The following BCL2L1 variants were observed in gnomAD, a reference collection of about 807,000 sequenced individuals.
The protein encoded by BCL2L1 is bcl-2-like protein 1.
A neutral mutation model predicts 18.7 loss-of-function variants in BCL2L1; 1 was observed. The ratio of observed to expected loss-of-function variants is 0.05; its 90% CI spans 0.02 to 0.25. The LOEUF (loss-of-function observed/expected upper bound fraction) is 0.25. Ranked by LOEUF, BCL2L1 falls within the 10% of genes least tolerant of loss-of-function variation. The pLI is 1.00. For synonymous variants in BCL2L1, 103 were observed against 122.7 expected (o/e 0.84, Z 1.06); for missense variants, 207 against 304.9 (o/e 0.68, Z 2.39).
chr20:31,666,328 A>C (rs987721813), intron 2 of BCL2L1, among the ~76,000 whole-genome samples: 1 of 152,120 alleles, frequency 6.6e-6, no homozygotes, highest in African/African-American at 2.4e-5. Context: ...GTCTGAGGTA[A>C]GTCAAGAAGT....
chr20:31,693,310 A>C (rs1481270096), intron 2 of BCL2L1, among the ~76,000 whole-genome samples: 1 of 151,412 alleles, frequency 6.6e-6, no homozygotes, highest in Non-Finnish European at 1.5e-5. Context: ...TCTAAAAAAA[A>C]TAATAATAAT....
intron 2 of BCL2L1, among the ~76,000 whole-genome samples, chr20:31,696,370 T>G (rs1568878106): frequency 6.6e-6 from 1 of 152,198 alleles, no homozygotes; most frequent in Non-Finnish European, 1.5e-5. Flanking sequence ...TATTATGAAA[T>G]GTCCTGGGTG....
At chr20:31,718,080 G>C (rs1600938736) in intron 2 of BCL2L1, among the ~76,000 whole-genome samples, 1 of 152,240 alleles carries the variant, frequency 6.6e-6, no homozygotes, top group Admixed American at 6.5e-5. Flanking sequence ...TATGGCAGGA[G>C]AAGGGCTTTT....
chr20:31,671,800 T>C (rs986073483), intron 2 of BCL2L1, among the ~76,000 whole-genome samples: 4 of 151,336 alleles, frequency 2.6e-5, no homozygotes, highest in African/African-American at 9.7e-5. Context: ...ATATATAGTA[T>C]ATAGGTATTG....
intron 2 of BCL2L1, among the ~76,000 whole-genome samples, chr20:31,690,143 G>GC (rs2061037868): frequency 6.6e-6 from 1 of 152,098 alleles, no homozygotes; most frequent in Admixed American, 6.5e-5. Flanking sequence ...GAGTGCAGTG[G>GC]CATAATCATG....
intron 2 of BCL2L1, among the ~76,000 whole-genome samples, chr20:31,701,059 A>AT (rs894553650): frequency 7.3e-4 from 108 of 147,914 alleles, no homozygotes; most frequent in East Asian, 1.8e-3. Context: ...ATGTAATTAG[A>AT]TTTTTTTTTT....
chr20:31,702,823 T>C (rs2061302040), intron 2 of BCL2L1, among the ~76,000 whole-genome samples: 2 of 150,748 alleles, frequency 1.3e-5, no homozygotes, highest in Non-Finnish European at 3.0e-5. Flanking sequence ...GTGGGCACCT[T>C]TAATCCCAGC....
At chr20:31,723,580 G>C (rs902770624), upstream of BCL2L1, 3 of 984,890 alleles carry the variant, frequency 3.0e-6, no homozygotes, top group Admixed American at 6.1e-5. Context: ...CCTCCCCCGG[G>C]GGCGCCCCCT....
At chr20:31,677,931 G>A (rs1677516574) in intron 2 of BCL2L1, among the ~76,000 whole-genome samples, 1 of 152,194 alleles carries the variant, frequency 6.6e-6, no homozygotes, top group Admixed American at 6.5e-5. Flanking sequence ...AGAGAGGAGG[G>A]AAGAGAAGAA....
Position 31,665,885 on chromosome 20 carries a change from T to C in BCL2L1, c.*64A>G, listed in dbSNP as rs926738457. The stretch of plus-strand genomic sequence containing the variant: ...TGGTTCTCCTGGTGGCAATGGCGGC[T>C]GGACGGAGGATGTGGTGGAGCAGAG... On this transcript the variant is annotated 3_prime_UTR_variant, in exon 3 of 3. Transcript: ENST00000307677. 28 of 1,582,248 alleles carry C rather than the reference T, an allele frequency of 1.8e-5. No individual in the cohort carries two copies. The Admixed American group carries it at 4.6e-4, about 26-fold the overall frequency.
chr20:31,687,818 C>T (rs1010651498), intron 2 of BCL2L1, among the ~76,000 whole-genome samples: 1 of 152,130 alleles, frequency 6.6e-6, no homozygotes, highest in African/African-American at 2.4e-5. Flanking sequence ...GGCCAGTTAC[C>T]CTCTCTGAGC....
At chr20:31,669,771 CTG>C (rs2060639079) in intron 2 of BCL2L1, among the ~76,000 whole-genome samples, 1 of 152,096 alleles carries the variant, frequency 6.6e-6, no homozygotes, top group African/African-American at 2.4e-5. Flanking sequence ...GGCAGAGGTC[CTG>C]TCTCGTTCCT....
chr20:31,697,505 TTGAC>T (rs2061194465), intron 2 of BCL2L1, among the ~76,000 whole-genome samples: 1 of 152,024 alleles, frequency 6.6e-6, no homozygotes, highest in Non-Finnish European at 1.5e-5. Context: ...TGGCACGATC[TTGAC>T]TCACTGCAAC....
chr20:31,687,693 A>G (rs546307431), intron 2 of BCL2L1, among the ~76,000 whole-genome samples: 2,573 of 151,614 alleles, frequency 0.017, 85 homozygotes, highest in African/African-American at 0.059. Context: ...AAAAAAAAAA[A>G]AAAGAAAATT....
intron 2 of BCL2L1, among the ~76,000 whole-genome samples, chr20:31,685,295 G>A (rs2060936712): frequency 6.6e-6 from 1 of 151,964 alleles, no homozygotes; most frequent in African/African-American, 2.4e-5. Flanking sequence ...ACCTACTCGG[G>A]AGGCTTAGGC....
In BCL2L1 at chr20:31,722,336, G is replaced by A. The variant is rs1229473053; in HGVS notation, c.-118C>T. 9.4e-6 allele frequency: 7 copies of A among 744,834 alleles called. No individual in the cohort carries two copies. In the African/African-American group the frequency reaches 1.1e-4, roughly 11 times the overall value. The allele number at this position is 744,834 out of a possible 1,614,324, so 46.1% of individuals were successfully genotyped here. A position where few individuals can be genotyped will look rare whatever the true frequency, so the allele number is the denominator to read the frequency against. On this transcript the variant is annotated 5_prime_UTR_variant, in exon 2 of 3. Transcript: ENST00000307677. ...TCCAAAGCCAAGATAAGATTCTGAA[G>A]GGAGAGAAAGAGCTTCAGGAAAAAA... is the stretch of plus-strand genomic sequence containing the variant.
intron 2 of BCL2L1, among the ~76,000 whole-genome samples, chr20:31,672,271 C>A (rs1363489461): frequency 2.6e-5 from 4 of 151,844 alleles, no homozygotes; most frequent in Admixed American, 2.6e-4. Flanking sequence ...TCAAGACCAG[C>A]CTGACCAACA....
intron 2 of BCL2L1, among the ~76,000 whole-genome samples, chr20:31,699,310 T>C (rs1379016285): frequency 4.6e-5 from 7 of 152,214 alleles, no homozygotes; most frequent in Admixed American, 2.6e-4. Flanking sequence ...GAAGGGGTAA[T>C]GACTTTCAGT....
intron 2 of BCL2L1, among the ~76,000 whole-genome samples, chr20:31,669,372 AC>A (rs1472045794): frequency 1.3e-5 from 2 of 150,178 alleles, no homozygotes; most frequent in Admixed American, 6.7e-5. Flanking sequence ...CCACCTCACC[AC>A]ATTTTTCCCC....
Sources: gnomAD v4.1 joint callset for allele counts (sites outside exome capture counted in the v4.1 genomes callset) on GRCh38, gnomAD v4.1.1 for gene constraint, MANE v1.5 for transcripts, NCBI Gene and HGNC (gene_info 2026-07-23, HGNC 2026-07-21) for gene names.